BTRC: variants seen among roughly 807,000 people sequenced by gnomAD.
BTRC encodes the protein F-box/WD repeat-containing protein 1A.
A neutral mutation model predicts 85.5 loss-of-function variants in BTRC; 42 were observed. That is an observed-to-expected ratio of 0.49 (90% confidence interval 0.38 to 0.64). The LOEUF (loss-of-function observed/expected upper bound fraction) is 0.64, where lower values mean the gene tolerates loss of function less well. Among genes scored for constraint, BTRC ranks in the 30% least tolerant of loss-of-function variants. The pLI, the probability that BTRC is intolerant of heterozygous loss-of-function variation, is 0.00. For missense variants in BTRC, 594 were observed against 743.5 expected (o/e 0.80, Z 2.34); for synonymous variants, 255 against 263.3 (o/e 0.97, Z 0.30).
intron 1 of BTRC, among the ~76,000 whole-genome samples, chr10:101,384,058 G>T (rs1564739841): frequency 6.6e-6 from 1 of 152,056 alleles, no homozygotes; most frequent in Non-Finnish European, 1.5e-5. Flanking sequence ...TATATTTGTC[G>T]AATTTTCTTT....
At chr10:101,437,936 T>A (rs906373464) in intron 2 of BTRC, among the ~76,000 whole-genome samples, 2 of 152,214 alleles carry the variant, frequency 1.3e-5, no homozygotes, top group African/African-American at 4.8e-5. Flanking sequence ...TGAGCTAGAA[T>A]TAAAGTCTTC....
intron 1 of BTRC, among the ~76,000 whole-genome samples, chr10:101,364,084 C>T (rs529771864): frequency 6.6e-6 from 1 of 152,218 alleles, no homozygotes; most frequent in South Asian, 2.1e-4. Flanking sequence ...TGACAGTAAT[C>T]TACTGCAGTG....
intron 1 of BTRC, among the ~76,000 whole-genome samples, chr10:101,373,406 A>G (rs1942695555): frequency 6.6e-6 from 1 of 152,184 alleles, no homozygotes; most frequent in Non-Finnish European, 1.5e-5. Context: ...ACATTCAAGG[A>G]TATTCTGGAG....
chr10:101,496,199 A>G (rs1406870203), intron 4 of BTRC, among the ~76,000 whole-genome samples: 2 of 152,190 alleles, frequency 1.3e-5, no homozygotes, highest in Non-Finnish European at 2.9e-5. Flanking sequence ...ATTATTTTAC[A>G]TATATTTTCC....
At chr10:101,539,576 C>T (rs895190992) in intron 13 of BTRC, among the ~76,000 whole-genome samples, 1 of 152,140 alleles carries the variant, frequency 6.6e-6, no homozygotes, top group African/African-American at 2.4e-5. Context: ...TATGGTTATA[C>T]CCATTCACTG....
chr10:101,534,060 T>C (rs1306423637), intron 9 of BTRC, among the ~76,000 whole-genome samples: 1 of 152,186 alleles, frequency 6.6e-6, no homozygotes, highest in East Asian at 1.9e-4. Context: ...AATCAAAATA[T>C]ATAATCACAC....
In BTRC at chr10:101,550,815, A is replaced by G. The variant is rs747082773; in HGVS notation, c.1773A>G (p.Glu591=). Residue 591 remains glutamate, a synonymous_variant, in exon 14 of 15, where the codon GAA becomes GAG. Transcript: ENST00000370187. ...DFLNDPAAQA[E]PPRSPSRTYT... ...TAAATGATCCAGCTGCCCAAGCTGA[A>G]CCCCCCCGTTCCCCTTCTCGAACAT... 1 of 1,613,506 alleles carries G rather than the reference A, an allele frequency of 6.2e-7. No homozygotes were observed. Among genetic ancestry groups the G allele is most frequent in the African/African-American group, 1.3e-5 (1 of 74,758 alleles).
intron 5 of BTRC, 74 bp downstream of exon 5, chr10:101,521,944 C>G (rs568185274): frequency 8.9e-7 from 1 of 1,126,202 alleles, no homozygotes; most frequent in Admixed American, 2.5e-5. Context: ...CTATATATCT[C>G]TCTTTAAAAG....
chr10:101,447,113 T>C (rs1332001066), intron 2 of BTRC, among the ~76,000 whole-genome samples: 3 of 152,136 alleles, frequency 2.0e-5, no homozygotes, highest in Non-Finnish European at 4.4e-5. Context: ...GGGACGCAAG[T>C]AATAGACCAA....
intron 1 of BTRC, among the ~76,000 whole-genome samples, chr10:101,366,778 A>ATTTTTTATATT: frequency 9.2e-6 from 1 of 108,130 alleles, no homozygotes; most frequent in African/African-American, 3.4e-5. Context: ...ATATATATAT[A>ATTTTTTATATT]TATATATATA....
rs540084827 is a variant in BTRC at position 101,410,562 on chromosome 10, C to T, written c.49-19783C>T. 2.6e-4 allele frequency among the ~76,000 whole-genome samples: 40 copies of T among 151,952 alleles called. No individual in the cohort carries two copies. In the South Asian group the frequency reaches 8.2e-3, roughly 31 times the overall value. ...CTGGGAGTCGGAGATTGCAGTGAGC[C>T]GAGATCATGCCACTGCACTCCAACC... On this transcript the variant is annotated intron_variant, in intron 1 of 14. Transcript: ENST00000370187.
At chr10:101,481,925 A>C (rs557371398) in intron 4 of BTRC, among the ~76,000 whole-genome samples, 1 of 152,218 alleles carries the variant, frequency 6.6e-6, no homozygotes, top group Non-Finnish European at 1.5e-5. Context: ...CCAAATAATC[A>C]GTTGGTCAAT....
intron 1 of BTRC, among the ~76,000 whole-genome samples, chr10:101,404,685 A>G (rs559819531): frequency 2.0e-5 from 3 of 152,158 alleles, no homozygotes; most frequent in Admixed American, 1.3e-4. Flanking sequence ...ATGATAGTCC[A>G]TCTTGTAGTT....
At chr10:101,404,012 A>G (rs1256203482) in intron 1 of BTRC, among the ~76,000 whole-genome samples, 2,156 of 40,454 alleles carry the variant, frequency 0.053, 363 homozygotes, top group Admixed American at 0.065. Context: ...GTATATATAT[A>G]TATATATATA....
At chr10:101,533,100 C>A (rs1228069284) in intron 9 of BTRC, 30 bp downstream of exon 9, 1 of 1,461,752 alleles carries the variant, frequency 6.8e-7, no homozygotes, top group Non-Finnish European at 9.6e-7. Context: ...TTTTTGAACT[C>A]TGAAATATCA....
chr10:101,476,235 T>C (rs1430991841), intron 3 of BTRC, among the ~76,000 whole-genome samples: 1 of 151,848 alleles, frequency 6.6e-6, no homozygotes, highest in Non-Finnish European at 1.5e-5. Context: ...GACTGAGGGA[T>C]TGTTGAAAAT....
At chr10:101,511,344 G>T (rs922171110) in intron 4 of BTRC, among the ~76,000 whole-genome samples, 6 of 152,074 alleles carry the variant, frequency 3.9e-5, no homozygotes, top group Non-Finnish European at 7.4e-5. Context: ...CTCAGCTCAG[G>T]TGTCACTTCC....
rs1203263822 is a variant in BTRC, at chr10:101,534,703, T to C, written c.1140T>C (p.Ile380=). The change falls in exon 10 of 15, where the codon ATT becomes ATC. Residue 380 remains isoleucine (I), a synonymous_variant. Coordinates refer to ENST00000370187, the MANE Select transcript of BTRC (RefSeq NM_033637.4). ...CAGGTGAAATGCTAAACACGTTGAT[T>C]CACCATTGTGAAGCAGTTCTGCACT... The part of the protein sequence containing the change: ...VNTGEMLNTL[I]HHCEAVLHLR... 4 of 1,614,068 alleles carry C rather than the reference T, an allele frequency of 2.5e-6. No individual in the cohort carries two copies. In the African/African-American group the frequency reaches 5.3e-5, roughly 22 times the overall value.
intron 1 of BTRC, among the ~76,000 whole-genome samples, chr10:101,368,381 T>C (rs1942531463): frequency 6.6e-6 from 1 of 152,048 alleles, no homozygotes; most frequent in Admixed American, 6.6e-5. Context: ...CTTTTTTTAT[T>C]ATGAATTACC....
Sources: allele counts gnomAD v4.1 joint callset (sites outside exome capture counted in the v4.1 genomes callset), GRCh38; gene constraint gnomAD v4.1.1; transcripts MANE v1.5; gene names NCBI Gene and HGNC (gene_info 2026-07-23, HGNC 2026-07-21).